TBC1D30: variants seen among roughly 807,000 people sequenced by gnomAD.
TBC1D30 encodes TBC1 domain family, member 30.
TBC1D30 carries 31 observed loss-of-function variants against 63.2 expected under a neutral mutation model. The observed-to-expected ratio is 0.49, with a 90% CI of 0.37 to 0.66. TBC1D30 has a LOEUF of 0.66. Ranked by LOEUF, TBC1D30 falls within the 30% of genes least tolerant of loss-of-function variation. TBC1D30 has a pLI of 0.00. For synonymous variants in TBC1D30, 307 were observed against 361.5 expected (o/e 0.85, Z 1.71); for missense variants, 810 against 953.6 (o/e 0.85, Z 1.98).
intron 1 of TBC1D30, among the ~76,000 whole-genome samples, chr12:64,770,600 T>C (rs193000396): frequency 5.3e-4 from 81 of 152,320 alleles, no homozygotes; most frequent in African/African-American, 1.9e-3. Context: ...AACTGCATGG[T>C]GCCTGGTGCT....
chr12:64,873,095 A>T (rs1878779785), intron 11 of TBC1D30, among the ~76,000 whole-genome samples: 1 of 152,136 alleles, frequency 6.6e-6, no homozygotes, highest in African/African-American at 2.4e-5. Flanking sequence ...AGGTGGAGAG[A>T]TTGAACTTGA....
chr12:64,827,786 C>A, intron 1 of TBC1D30, 49 bp from the exon 2 acceptor site: 1 of 1,278,896 alleles, frequency 7.8e-7, no homozygotes, highest in Non-Finnish European at 1.1e-6. Flanking sequence ...TTTGATATAA[C>A]TTGTTATAGT....
chr12:64,825,124 G>A lies in TBC1D30; in HGVS notation c.154+91G>A, dbSNP rs534394741. ...TTAGCCTGACTCCGTCTAGGCCGGGGAGCTCTGGGGAAAGTCCGCGTGCCA... is the reference window on the plus strand; with the variant it reads ...TTAGCCTGACTCCGTCTAGGCCGGGAAGCTCTGGGGAAAGTCCGCGTGCCA... On this transcript the variant is annotated intron_variant, in intron 1 of 11. Transcript: ENST00000539867. The A allele has an allele frequency of 2.1e-4, 303 of 1,432,626 alleles. No homozygotes were observed. In the African/African-American group the frequency reaches 3.9e-3, roughly 18 times the overall value. 88.7% of individuals were successfully genotyped at this position (1,432,626 alleles called of 1,614,324 possible).
chr12:64,777,288 C>A (rs1056922548), upstream of TBC1D30, among the ~76,000 whole-genome samples: 13 of 152,114 alleles, frequency 8.5e-5, no homozygotes, highest in Non-Finnish European at 4.4e-5. Flanking sequence ...AAATAAAGGG[C>A]ATTCAAATAG....
At chr12:64,801,170 A>G (rs1374758960) in intron 2 of TBC1D30, among the ~76,000 whole-genome samples, 1 of 152,180 alleles carries the variant, frequency 6.6e-6, no homozygotes, top group Non-Finnish European at 1.5e-5. Context: ...CCCATTAGAC[A>G]TAGATTTTCT....
chr12:64,830,351 T>G, intron 3 of TBC1D30, 26 bp from the exon 4 acceptor site: 1 of 1,496,756 alleles, frequency 6.7e-7, no homozygotes, highest in Non-Finnish European at 8.9e-7. Context: ...ACTTTGGCAT[T>G]CTCCTTTGTC....
chr12:64,836,537 C>A lies in TBC1D30; in HGVS notation c.642C>A (p.Val214=). Residue 214 remains valine (V), a synonymous_variant, in exon 6 of 12, where the codon GTC becomes GTA. Transcript: ENST00000539867. ...AGGTACTTCCCGAAAGCTATTTCGTCAATAATCTCCGGGCATTGTCTGTGG... is the reference window on the plus strand; with the variant it reads ...AGGTACTTCCCGAAAGCTATTTCGTAAATAATCTCCGGGCATTGTCTGTGG... ...IDKVLPESYF[V]NNLRALSVDM... The A allele has an allele frequency of 6.5e-7, 1 of 1,535,900 alleles. No individual in the cohort carries two copies. The highest frequency in any genetic ancestry group is 2.4e-5 in the East Asian group (1 of 40,902).
In TBC1D30 at chr12:64,799,487, G is replaced by A. The variant is rs188007276; in HGVS notation, c.643+13442G>A. On this transcript the variant is annotated intron_variant, in intron 2 of 12. Transcript: ENST00000542120. ...AGCATTTGCATCCTAGCCTGTGTAAGGCAATTATGAAGGTTGCTGGGCTTT... is the reference window on the plus strand; with the variant it reads ...AGCATTTGCATCCTAGCCTGTGTAAAGCAATTATGAAGGTTGCTGGGCTTT... Among the ~76,000 whole-genome samples, 122 of 152,338 alleles carry A rather than the reference G, an allele frequency of 8.0e-4. No individual in the cohort carries two copies. The Middle Eastern group carries it at 0.014, about 17-fold the overall frequency.
chr12:64,875,711 C>T lies in TBC1D30; in HGVS notation c.2209C>T (p.Pro737Ser). The part of the protein sequence containing the change: ...LGLYGPTERT[P>S]TVHFPQMSRS... ...ATTATATGGCCCTACAGAAAGAACC[C>T]CAACTGTGCACTTTCCTCAAATGAG... The change falls in exon 12 of 12, where the codon CCA becomes TCA. Residue 737 changes from proline to serine, a missense_variant. Coordinates refer to ENST00000539867, the MANE Select transcript of TBC1D30 (RefSeq NM_015279.2). 1 of 1,536,618 alleles carries T rather than the reference C, an allele frequency of 6.5e-7. No individual in the cohort carries two copies. Among genetic ancestry groups the T allele is most frequent in the Non-Finnish European group, 8.7e-7 (1 of 1,147,022 alleles).
Position 64,815,643 on chromosome 12 carries a change from A to G in TBC1D30, c.644-12192A>G, listed in dbSNP as rs142022428. ...TCATAAAGCATTTAGTTTTATATGC[A>G]CATATACAATCATGCATAAATATAT... On this transcript the variant is annotated intron_variant, in intron 2 of 12. Transcript: ENST00000542120. Among the ~76,000 whole-genome samples, 124 of 152,352 alleles carry G rather than the reference A, an allele frequency of 8.1e-4. No homozygotes were observed. The East Asian group carries it at 0.021, about 25-fold the overall frequency.
chr12:64,859,463 C>T (rs993789327), intron 8 of TBC1D30, among the ~76,000 whole-genome samples: 7 of 152,072 alleles, frequency 4.6e-5, no homozygotes, highest in African/African-American at 1.2e-4. Context: ...GTCAACTCCA[C>T]GGGCAGCTCT....
intron 2 of TBC1D30, among the ~76,000 whole-genome samples, chr12:64,811,226 AT>A (rs1873202263): frequency 6.6e-6 from 1 of 152,236 alleles, no homozygotes; most frequent in South Asian, 2.1e-4. Flanking sequence ...TTTTTAAAGC[AT>A]TTTAAAAAAG....
intron 1 of TBC1D30, among the ~76,000 whole-genome samples, chr12:64,784,208 A>C (rs942675086): frequency 1.3e-5 from 2 of 152,012 alleles, no homozygotes; most frequent in Non-Finnish European, 2.9e-5. Context: ...GTTTATAAAG[A>C]CCATACCCAT....
In TBC1D30 at chr12:64,825,000, A is replaced by G; in HGVS notation, c.121A>G (p.Thr41Ala). Residue 41 changes from threonine (T) to alanine (A), a missense_variant, in exon 1 of 12, where the codon ACC (threonine) becomes GCC (alanine). Transcript: ENST00000539867. Reference sequence around the variant, plus strand: ...CAAGAAGCGCAGCTGCATTTCCCGGACCGCGCCCCGGCTGCTGTGCACCCT... The same window carrying G: ...CAAGAAGCGCAGCTGCATTTCCCGGGCCGCGCCCCGGCTGCTGTGCACCCT... The part of the protein sequence containing the change: ...VLKKRSCISR[T>A]APRLLCTLEP... The G allele has an allele frequency of 6.5e-7, 1 of 1,533,986 alleles. No homozygotes were observed. The highest frequency in any genetic ancestry group is 8.7e-7 in the Non-Finnish European group (1 of 1,146,366).
chr12:64,806,164 A>G (rs1288398160), intron 2 of TBC1D30, among the ~76,000 whole-genome samples: 2 of 152,226 alleles, frequency 1.3e-5, no homozygotes, highest in South Asian at 2.1e-4. Flanking sequence ...TGTCTTCTCC[A>G]TGGAAGGCTG....
intron 1 of TBC1D30, chr12:64,768,408 T>C (rs1043558523): frequency 1.3e-5 from 2 of 152,264 alleles, no homozygotes; most frequent in Non-Finnish European, 2.9e-5. Context: ...TAATCACAGC[T>C]GACCACAGCT....
At chr12:64,861,764 T>C (rs768089344) in intron 8 of TBC1D30, among the ~76,000 whole-genome samples, 1 of 152,174 alleles carries the variant, frequency 6.6e-6, no homozygotes, top group Admixed American at 6.5e-5. Context: ...AAGATGCTAT[T>C]ATTAGGGTTT....
At chr12:64,807,918 G>GTGTTTTTTTTTTT (rs777402054) in intron 2 of TBC1D30, among the ~76,000 whole-genome samples, 1 of 93,526 alleles carries the variant, frequency 1.1e-5, no homozygotes, top group African/African-American at 5.5e-5. Flanking sequence ...CCTAATTTAA[G>GTGTTTTTTTTTTT]TTTTTTTTTT....
chr12:64,782,817 C>T (rs1246155113), intron 1 of TBC1D30, among the ~76,000 whole-genome samples: 1 of 152,122 alleles, frequency 6.6e-6, no homozygotes, highest in African/African-American at 2.4e-5. Flanking sequence ...CTGGTTAAAC[C>T]TTTCTTCCCT....
Sources: allele counts gnomAD v4.1 joint callset (sites outside exome capture counted in the v4.1 genomes callset), GRCh38; gene constraint gnomAD v4.1.1; transcripts MANE v1.5; gene names NCBI Gene and HGNC (gene_info 2026-07-23, HGNC 2026-07-21).